Variants in DLGAP1 observed in about 807,000 individuals in gnomAD.
DLGAP1 encodes the protein DLG associated protein 1.
In DLGAP1, 11 loss-of-function variants were observed where a neutral mutation model predicts 90.8. The observed-to-expected ratio is 0.12, with a 90% CI of 0.08 to 0.20. The LOEUF (loss-of-function observed/expected upper bound fraction) is 0.20, where lower values mean the gene tolerates loss of function less well. Among genes scored for constraint, DLGAP1 ranks in the 10% least tolerant of loss-of-function variants. The pLI, the probability that DLGAP1 is intolerant of heterozygous loss-of-function variation, is 1.00. For missense variants in DLGAP1, 1,050 were observed against 1,333.8 expected, an observed-to-expected ratio of 0.79 and a Z score of 3.31; for synonymous variants, 558 against 540.7, an observed-to-expected ratio of 1.03 and a Z score of -0.44.
intron 7 of DLGAP1, among the ~76,000 whole-genome samples, chr18:3,643,302 A>G (rs2059003891): frequency 1.3e-5 from 2 of 152,138 alleles, no homozygotes; most frequent in Admixed American, 6.6e-5. Context: ...AATCAAAACC[A>G]AAGGGGTATT....
chr18:4,337,098 A>C (rs1330756622), intron 1 of DLGAP1, among the ~76,000 whole-genome samples: 1 of 148,184 alleles, frequency 6.7e-6, no homozygotes, highest in Non-Finnish European at 1.5e-5. Flanking sequence ...TGGGCGACAG[A>C]GTGAGACTCC....
Position 4,006,816 on chromosome 18 carries a change from A to T in DLGAP1, c.-158-1615T>A, listed in dbSNP as rs558418657. 3.0e-4 allele frequency among the ~76,000 whole-genome samples: 45 copies of T among 152,078 alleles called. 2 individuals carry two copies. In the South Asian group the frequency reaches 3.9e-3, roughly 13 times the overall value. ...ACCTACCACCATACCTGGCTAATTT[A>T]AAAAATTTTTCTGTAGATACAAGTT... On this transcript the variant is annotated intron_variant, in intron 2 of 12. Transcript: ENST00000315677.
rs71159091 is a variant in DLGAP1, at chr18:3,561,265, AC to A, written c.2057+6224del. ...ACACCGTCTCTACTAAAAAAAAAAA[AC>A]AAAAAAAAAAAAACAAACAAAAAAT... On this transcript the variant is annotated intron_variant, in intron 9 of 12. Coordinates refer to ENST00000315677, the MANE Select transcript of DLGAP1 (RefSeq NM_004746.4). 1.3e-3 allele frequency among the ~76,000 whole-genome samples: 131 copies of A among 101,144 alleles called. 3 individuals carry two copies. Among genetic ancestry groups the A allele is most frequent in the African/African-American group, 6.5e-3 (87 of 13,450 alleles). 66.4% of individuals were successfully genotyped at this position (101,144 alleles called of 152,430 possible). A position where few individuals can be genotyped will look rare whatever the true frequency, so the allele number is the denominator to read the frequency against.
At chr18:4,139,246 G>A (rs1168906068) in intron 2 of DLGAP1, among the ~76,000 whole-genome samples, 1 of 151,794 alleles carries the variant, frequency 6.6e-6, no homozygotes, top group African/African-American at 2.4e-5. Flanking sequence ...ACTTTTTAAT[G>A]TAGGCATTTA....
chr18:3,670,300 G>A (rs2060042980), intron 7 of DLGAP1, among the ~76,000 whole-genome samples: 1 of 148,304 alleles, frequency 6.7e-6, no homozygotes, highest in African/African-American at 2.6e-5. Flanking sequence ...CATCCTGTGG[G>A]AGACTGGAAA....
chr18:3,796,978 A>G (rs956111055), intron 5 of DLGAP1, among the ~76,000 whole-genome samples: 1 of 152,128 alleles, frequency 6.6e-6, no homozygotes, highest in African/African-American at 2.4e-5. Flanking sequence ...TTGGGAGGCA[A>G]TTAGGTTTAG....
chr18:4,203,100 C>A (rs2077639647), intron 1 of DLGAP1, among the ~76,000 whole-genome samples: 2 of 151,884 alleles, frequency 1.3e-5, no homozygotes, highest in Admixed American at 6.6e-5. Flanking sequence ...CATGATGAAA[C>A]CTGTCTCTAC....
intron 1 of DLGAP1, among the ~76,000 whole-genome samples, chr18:4,307,978 G>A (rs1018765884): frequency 5.9e-5 from 9 of 152,138 alleles, no homozygotes; most frequent in Non-Finnish European, 1.3e-4. Flanking sequence ...ACCTCCCAAA[G>A]TGCTGGGATT....
At chr18:4,156,438 C>T (rs190138960) in intron 1 of DLGAP1, among the ~76,000 whole-genome samples, 20 of 152,094 alleles carry the variant, frequency 1.3e-4, no homozygotes, top group African/African-American at 4.6e-4. Flanking sequence ...CTGTTTCCTG[C>T]CGTTATTTAA....
chr18:4,166,829 G>A (rs1450321641), intron 1 of DLGAP1, among the ~76,000 whole-genome samples: 5 of 152,192 alleles, frequency 3.3e-5, no homozygotes, highest in African/African-American at 1.2e-4. Context: ...TCCTAAAATA[G>A]GCAAATTCAG....
chr18:3,821,612 T>A (rs904839035), intron 4 of DLGAP1, among the ~76,000 whole-genome samples: 3 of 151,994 alleles, frequency 2.0e-5, no homozygotes, highest in African/African-American at 7.3e-5. Context: ...AAGAGTGTTG[T>A]TGTTTCCTGG....
At chr18:4,402,598 G>A (rs541065470) in intron 1 of DLGAP1, among the ~76,000 whole-genome samples, 1 of 152,064 alleles carries the variant, frequency 6.6e-6, no homozygotes, top group Non-Finnish European at 1.5e-5. Context: ...CATCAGAATC[G>A]GATCTCAAAG....
At chr18:3,611,943 T>C (rs758624553) in intron 7 of DLGAP1, among the ~76,000 whole-genome samples, 2 of 152,220 alleles carry the variant, frequency 1.3e-5, no homozygotes, top group African/African-American at 4.8e-5. Flanking sequence ...CCCTCAACTA[T>C]ATTCCCCTAG....
At chr18:3,968,323 G>A (rs2073372143) in intron 3 of DLGAP1, among the ~76,000 whole-genome samples, 1 of 151,996 alleles carries the variant, frequency 6.6e-6, no homozygotes, top group Non-Finnish European at 1.5e-5. Flanking sequence ...TTTTTACGCA[G>A]CTATTGATCT....
chr18:4,436,077 AAC>A (rs1405721501), intron 1 of DLGAP1, among the ~76,000 whole-genome samples: 1 of 152,204 alleles, frequency 6.6e-6, no homozygotes, highest in African/African-American at 2.4e-5. Flanking sequence ...AGCTCAGAGA[AAC>A]AGTTTCAAAG....
At chr18:4,278,912 C>G (rs2079483234) in intron 1 of DLGAP1, among the ~76,000 whole-genome samples, 1 of 152,134 alleles carries the variant, frequency 6.6e-6, no homozygotes, top group Admixed American at 6.5e-5. Context: ...ATTGCTGGAT[C>G]TATTTTTAAG....
intron 2 of DLGAP1, among the ~76,000 whole-genome samples, chr18:4,138,501 A>G (rs2076443351): frequency 6.6e-6 from 1 of 152,036 alleles, no homozygotes; most frequent in Non-Finnish European, 1.5e-5. Flanking sequence ...CTCAGTCATG[A>G]TAAATGATCT....
intron 1 of DLGAP1, among the ~76,000 whole-genome samples, chr18:4,201,154 G>A (rs533768014): frequency 6.8e-4 from 104 of 151,876 alleles, no homozygotes; most frequent in Middle Eastern, 6.8e-3. Context: ...GTTTAGTTCA[G>A]TCCCGTTTAT....
At chr18:4,447,794 T>A (rs927416264) in intron 1 of DLGAP1, among the ~76,000 whole-genome samples, 1 of 152,198 alleles carries the variant, frequency 6.6e-6, no homozygotes, top group African/African-American at 2.4e-5. Context: ...TGATTCCCAA[T>A]AATGTAAGCC....
Sources: allele counts gnomAD v4.1 joint callset (sites outside exome capture counted in the v4.1 genomes callset), GRCh38; gene constraint gnomAD v4.1.1; transcripts MANE v1.5; gene names NCBI Gene and HGNC (gene_info 2026-07-23, HGNC 2026-07-21).